Variants in BACE1 observed in about 807,000 individuals in gnomAD.
The protein encoded by BACE1 is APP beta-secretase.
In BACE1, 21 loss-of-function variants were observed where a neutral mutation model predicts 54.0. The observed-to-expected ratio is 0.39, with a 90% CI of 0.28 to 0.56. The LOEUF (loss-of-function observed/expected upper bound fraction) is 0.56. Ranked by LOEUF, BACE1 falls within the 20% of genes least tolerant of loss-of-function variation. The pLI is 0.63. For synonymous variants in BACE1, 232 were observed against 260.9 expected, an observed-to-expected ratio of 0.89 and a Z score of 1.07; for missense variants, 511 against 661.2, an observed-to-expected ratio of 0.77 and a Z score of 2.49.
chr11:117,290,448 GGA>G, intron 8 of BACE1, 38 bp downstream of exon 8: 2 of 1,602,066 alleles, frequency 1.2e-6, no homozygotes, highest in Non-Finnish European at 1.7e-6. Flanking sequence ...AGGAAAATAT[GGA>G]GAGACTGACC....
intron 1 of BACE1, among the ~76,000 whole-genome samples, chr11:117,309,196 G>C (rs1341566222): frequency 6.6e-6 from 1 of 152,102 alleles, no homozygotes; most frequent in African/African-American, 2.4e-5. Context: ...ATCCTTGTTT[G>C]CATGTCTAGA....
intron 1 of BACE1, among the ~76,000 whole-genome samples, chr11:117,300,526 ACAGGGCAGTT>A (rs1384520093): frequency 1.3e-5 from 2 of 152,264 alleles, no homozygotes; most frequent in African/African-American, 2.4e-5. Context: ...TCATTATGAA[ACAGGGCAGTT>A]CAGGGCGGCC....
At position 117,287,984 on chromosome 11, in the gene BACE1, C is replaced by T. The variant is rs2034306446; in HGVS notation, c.*1582G>A. On this transcript the variant is annotated 3_prime_UTR_variant, in exon 9 of 9. Coordinates refer to ENST00000313005, the MANE Select transcript of BACE1 (RefSeq NM_012104.6). ...GTAGGAGTAGGATGCAGTGGGTATA[C>T]TAGGAAAACCCAGCTCTTCCCACTA... 6.6e-6 allele frequency: 1 copy of T among 152,588 alleles called. No homozygotes were observed. The highest frequency in any genetic ancestry group is 1.5e-5 in the Non-Finnish European group (1 of 68,042). 9.5% of individuals were successfully genotyped at this position (152,588 alleles called of 1,614,324 possible).
intron 2 of BACE1, 131 bp from the exon 3 acceptor site, chr11:117,295,478 C>G (rs45459498): frequency 9.8e-6 from 15 of 1,537,438 alleles, no homozygotes; most frequent in Non-Finnish European, 1.1e-5. Flanking sequence ...GGCTGCTCAG[C>G]AAAACATCCC....
In BACE1 at chr11:117,287,978, G is replaced by C. The variant is rs758387876; in HGVS notation, c.*1588C>G. 1.3e-5 allele frequency: 2 copies of C among 152,542 alleles called. No individual in the cohort carries two copies. Among genetic ancestry groups the C allele is most frequent in the Non-Finnish European group, 2.9e-5 (2 of 68,036 alleles). The allele number at this position is 152,542 out of a possible 1,614,324, so 9.4% of individuals were successfully genotyped here. Reference sequence around the variant, plus strand: ...GACCAGGTAGGAGTAGGATGCAGTGGGTATACTAGGAAAACCCAGCTCTTC... The same window carrying C: ...GACCAGGTAGGAGTAGGATGCAGTGCGTATACTAGGAAAACCCAGCTCTTC... On this transcript the variant is annotated 3_prime_UTR_variant, in exon 9 of 9. Coordinates refer to ENST00000313005, the MANE Select transcript of BACE1 (RefSeq NM_012104.6).
At chr11:117,314,935 G>C in intron 1 of BACE1, among the ~76,000 whole-genome samples, 1 of 152,076 alleles carries the variant, frequency 6.6e-6, no homozygotes, top group African/African-American at 2.4e-5. Context: ...TAGACCGCGA[G>C]AGGGAGAAGG....
At chr11:117,298,221 G>GA (rs2034646024) in intron 1 of BACE1, among the ~76,000 whole-genome samples, 1 of 151,942 alleles carries the variant, frequency 6.6e-6, no homozygotes, top group South Asian at 2.1e-4. Flanking sequence ...AGAATCACTT[G>GA]AACCCAGGAG....
At position 117,307,458 on chromosome 11, in the gene BACE1, C is replaced by T. The variant is rs540670683; in HGVS notation, c.261+8077G>A. Among the ~76,000 whole-genome samples, 31 of 152,260 alleles carry T rather than the reference C, an allele frequency of 2.0e-4. No homozygotes were observed. In the South Asian group the frequency reaches 4.1e-3, roughly 20 times the overall value. On this transcript the variant is annotated intron_variant, in intron 1 of 8. Transcript: ENST00000313005. The stretch of plus-strand genomic sequence containing the variant: ...TCCTGATTAGCTGGGATTACAGGCA[C>T]GTGCCACCATGCCCAGCTAATTTTT...
At position 117,305,075 on chromosome 11, in the gene BACE1, C is replaced by T. The variant is rs191036989; in HGVS notation, c.262-8114G>A. 1.4e-3 allele frequency among the ~76,000 whole-genome samples: 208 copies of T among 151,912 alleles called. 1 individual carries two copies. Among genetic ancestry groups the T allele is most frequent in the African/African-American group, 4.7e-3 (193 of 41,418 alleles). ...CCGAGTAGCTGGGATTACAGGCACC[C>T]GCCACTACGCCCAGCTAATTTTTGC... On this transcript the variant is annotated intron_variant, in intron 1 of 8. Coordinates refer to ENST00000313005, the MANE Select transcript of BACE1 (RefSeq NM_012104.6).
rs2034513418 is a variant in BACE1, at chr11:117,293,494, TAA to T, written c.706-308_706-307del. The T allele has an allele frequency of 7.0e-6, 2 of 286,272 alleles. No individual in the cohort carries two copies. The highest frequency in any genetic ancestry group is 6.4e-6 in the Non-Finnish European group (1 of 157,320). 17.7% of individuals were successfully genotyped at this position (286,272 alleles called of 1,614,324 possible). On this transcript the variant is annotated intron_variant, in intron 4 of 8. Coordinates refer to ENST00000313005, the MANE Select transcript of BACE1 (RefSeq NM_012104.6). This position sits in a 1 kb window ranked among gnomAD's most constrained non-coding sequence, Gnocchi z 4.1. ...AATGAATGGTTATTTGTTTATATTA[TAA>T]GTTTTATTTTCTCTGCTTATTGGAG... is the stretch of plus-strand genomic sequence containing the variant.
rs113063125 is a variant in BACE1, at chr11:117,312,124, C to G, written c.261+3411G>C. ...TTACCCAAACTTATCTGGTCTTAGC[C>G]TAAACCTGTAATATTAACAGGACTG... On this transcript the variant is annotated intron_variant, in intron 1 of 8. Coordinates refer to ENST00000313005, the MANE Select transcript of BACE1 (RefSeq NM_012104.6). Among the ~76,000 whole-genome samples the G allele has an allele frequency of 9.6e-3, 1,454 of 152,230 alleles. 24 individuals carry two copies. Among genetic ancestry groups the G allele is most frequent in the African/African-American group, 0.034 (1,393 of 41,582 alleles).
intron 1 of BACE1, among the ~76,000 whole-genome samples, chr11:117,305,859 C>T (rs1426484930): frequency 3.3e-5 from 5 of 151,942 alleles, no homozygotes; most frequent in African/African-American, 9.7e-5. Context: ...CACGGTGAAA[C>T]CCCGTCTCCA....
intron 1 of BACE1, among the ~76,000 whole-genome samples, chr11:117,308,082 G>A (rs2034871380): frequency 6.6e-6 from 1 of 152,060 alleles, no homozygotes; most frequent in Non-Finnish European, 1.5e-5. Flanking sequence ...GTGACAGGAA[G>A]GGCGGGGATC....
At position 117,315,744 on chromosome 11, in the gene BACE1, G is replaced by A; in HGVS notation, c.52C>T (p.Pro18Ser). Residue 18 changes from proline (P) to serine (S), a missense_variant, in exon 1 of 9, where the codon CCT becomes TCT. Transcript: ENST00000313005. The surrounding 1 kb of genome is among the most constrained non-coding windows in gnomAD (Gnocchi z 5.5). ...LLLWMGAGVL[P>S]AHGTQHGIRL... ...ATGCCGTGCTGGGTGCCGTGGGCAG[G>A]CAGCACTCCCGCGCCCATCCACAGC... The A allele has an allele frequency of 6.8e-7, 1 of 1,473,052 alleles. No individual in the cohort carries two copies. The highest frequency in any genetic ancestry group is 9.0e-7 in the Non-Finnish European group (1 of 1,116,696). 91.2% of individuals were successfully genotyped at this position (1,473,052 alleles called of 1,614,324 possible).
In BACE1 at chr11:117,291,152, T is replaced by C. The variant is rs189894551; in HGVS notation, c.943-103A>G. On this transcript the variant is annotated intron_variant, in intron 6 of 8. Transcript: ENST00000313005. ...CTGGGCCCTTCATTTGCTTTTCCAG[T>C]GAAATATCTAAAGTGGGGAGGGGTA... 14 of 1,424,382 alleles carry C rather than the reference T, an allele frequency of 9.8e-6. No individual in the cohort carries two copies. The African/African-American group carries it at 1.8e-4, about 19-fold the overall frequency. The allele number at this position is 1,424,382 out of a possible 1,614,324, so 88.2% of individuals were successfully genotyped here.
rs1171918069 is a variant in BACE1, at chr11:117,293,084, A to G, written c.810T>C (p.Asn270=). 2 of 1,614,006 alleles carry G rather than the reference A, an allele frequency of 1.2e-6. No homozygotes were observed. The highest frequency in any genetic ancestry group is 8.5e-7 in the Non-Finnish European group (1 of 1,179,988). ...YEVIIVRVEI[N]GQDLKMDCKE... Reference sequence around the variant, plus strand: ...TGCAGTCCATTTTCAGATCCTGTCCATTGATCTCCACCCGCACAATGATCA... The same window carrying G: ...TGCAGTCCATTTTCAGATCCTGTCCGTTGATCTCCACCCGCACAATGATCA... Residue 270 remains asparagine (N), a synonymous_variant, in exon 5 of 9, where the codon AAT becomes AAC. Coordinates refer to ENST00000313005, the MANE Select transcript of BACE1 (RefSeq NM_012104.6). The surrounding 1 kb of genome is among the most constrained non-coding windows in gnomAD (Gnocchi z 4.1).
In BACE1 at chr11:117,289,203, T is replaced by TCTCGGTGGTC; in HGVS notation, c.*362_*363insGACCACCGAG. 2.6e-4 allele frequency: 64 copies of TCTCGGTGGTC among 248,770 alleles called. No homozygotes were observed. Among genetic ancestry groups the TCTCGGTGGTC allele is most frequent in the East Asian group, 5.9e-4 (7 of 11,914 alleles). The allele number at this position is 248,770 out of a possible 1,614,324, so 15.4% of individuals were successfully genotyped here. A position where few individuals can be genotyped will look rare whatever the true frequency, so the allele number is the denominator to read the frequency against. On this transcript the variant is annotated 3_prime_UTR_variant, in exon 9 of 9. Coordinates refer to ENST00000313005, the MANE Select transcript of BACE1 (RefSeq NM_012104.6). ...ACACGCCAAGGTAACCTGCGTGTGA[T>TCTCGGTGGTC]GCCAGTACTTCTGAAACTAAGAAAA...
chr11:117,291,690 C>T lies in BACE1; in HGVS notation c.942+22G>A, dbSNP rs758654476. On this transcript the variant is annotated intron_variant, in intron 6 of 8. Transcript: ENST00000313005. ...CTCTGACACTGTACCATCTCTTTTA[C>T]CCCCATCCTTAGTCCACTCACGGAG... The T allele has an allele frequency of 5.2e-6, 8 of 1,551,822 alleles. No individual in the cohort carries two copies. In the South Asian group the frequency reaches 8.9e-5, roughly 17 times the overall value.
chr11:117,315,924 G>GC lies in BACE1; in HGVS notation c.-130dup. 4.6e-6 allele frequency: 5 copies of GC among 1,086,904 alleles called. No individual in the cohort carries two copies. The highest frequency in any genetic ancestry group is 6.1e-6 in the Non-Finnish European group (5 of 818,904). 67.3% of individuals were successfully genotyped at this position (1,086,904 alleles called of 1,614,324 possible). ...AGCTTGGGGGCATCAGGACGCCAGGGCCTGCAGGGCCCTGGGCCAGCCCCC... is the reference window on the plus strand; with the variant it reads ...AGCTTGGGGGCATCAGGACGCCAGGGCCCTGCAGGGCCCTGGGCCAGCCCCC... On this transcript the variant is annotated 5_prime_UTR_variant, in exon 1 of 9. Coordinates refer to ENST00000313005, the MANE Select transcript of BACE1 (RefSeq NM_012104.6). This position sits in a 1 kb window ranked among gnomAD's most constrained non-coding sequence, Gnocchi z 5.5.
Sources: allele counts gnomAD v4.1 joint callset (sites outside exome capture counted in the v4.1 genomes callset), GRCh38; gene constraint gnomAD v4.1.1; non-coding constraint Gnocchi (gnomAD v3.1); transcripts MANE v1.5; gene names NCBI Gene and HGNC (gene_info 2026-07-23, HGNC 2026-07-21).